Variants in MATR3 observed in about 807,000 individuals in gnomAD.
MATR3 encodes matrin-3.
A neutral mutation model predicts 85.5 loss-of-function variants in MATR3; 4 were observed. The ratio of observed to expected loss-of-function variants is 0.05; its 90% CI spans 0.02 to 0.11. The LOEUF is 0.11. Ranked by LOEUF, MATR3 falls within the 10% of genes least tolerant of loss-of-function variation. The pLI, the probability that MATR3 is intolerant of heterozygous loss-of-function variation, is 1.00. For synonymous variants in MATR3, 336 were observed against 343.1 expected, an observed-to-expected ratio of 0.98 and a Z score of 0.23; for missense variants, 685 against 1,016.1, an observed-to-expected ratio of 0.67 and a Z score of 4.43.
intron 3 of MATR3, among the ~76,000 whole-genome samples, chr5:139,282,395 C>G (rs910304996): frequency 1.3e-5 from 2 of 152,110 alleles, no homozygotes; most frequent in Non-Finnish European, 1.5e-5. Context: ...CAGAGGAGAC[C>G]CTGTTACTTG....
Position 139,319,584 on chromosome 5 carries a change from C to T in MATR3, c.1602+83C>T, listed in dbSNP as rs966262557. 5.4e-5 allele frequency: 70 copies of T among 1,286,162 alleles called. No homozygotes were observed. In the African/African-American group the frequency reaches 7.9e-4, roughly 15 times the overall value. The allele number at this position is 1,286,162 out of a possible 1,614,324, so 79.7% of individuals were successfully genotyped here. On this transcript the variant is annotated intron_variant, in intron 9 of 14. Transcript: ENST00000394805. ...CAATATGGAGCTGGGCGTCATTCCT[C>T]AACCTGTAATCCCAGCAGTTTGGGA...
At chr5:139,324,682 C>G (rs1755755851) in intron 12 of MATR3, among the ~76,000 whole-genome samples, 1 of 152,142 alleles carries the variant, frequency 6.6e-6, no homozygotes, top group African/African-American at 2.4e-5. Context: ...AAGGATATTG[C>G]TCAACTTTTA....
chr5:139,314,830 A>G (rs1040894229), intron 3 of MATR3, 94 bp downstream of exon 3: 67 of 1,105,020 alleles, frequency 6.1e-5, no homozygotes, highest in Non-Finnish European at 8.9e-5. Context: ...TGTAATATCC[A>G]CAATGTTAAT....
At chr5:139,311,506 C>A (rs1754971260) in intron 2 of MATR3, 1 of 152,014 alleles carries the variant, frequency 6.6e-6, no homozygotes, top group African/African-American at 2.4e-5. Flanking sequence ...TGATCTTGGC[C>A]TTCCTTTTTT....
chr5:139,317,316 TG>T (rs1755301936), intron 6 of MATR3, among the ~76,000 whole-genome samples: 1 of 152,246 alleles, frequency 6.6e-6, no homozygotes, highest in African/African-American at 2.4e-5. Context: ...TTCAGCATCT[TG>T]GAAGCTTTGC....
At chr5:139,321,718 C>T (rs779733486) in intron 9 of MATR3, 180 bp from the exon 10 acceptor site, 21 of 636,818 alleles carry the variant, frequency 3.3e-5, no homozygotes, top group Non-Finnish European at 4.6e-5. Context: ...AGTACATCAA[C>T]GCTTCAGCAA....
intron 1 of MATR3, chr5:139,294,604 A>G (rs958508678): frequency 8.5e-5 from 13 of 152,262 alleles, no homozygotes; most frequent in African/African-American, 3.1e-4. Context: ...AGCCGCCTGC[A>G]GTACAGTGCG....
At chr5:139,304,245 G>A (rs1754597980) in intron 1 of MATR3, among the ~76,000 whole-genome samples, 1 of 152,262 alleles carries the variant, frequency 6.6e-6, no homozygotes, top group Admixed American at 6.5e-5. Context: ...GGTGGCTCAT[G>A]CCTATATAAT....
intron 1 of MATR3, among the ~76,000 whole-genome samples, chr5:139,297,100 C>T (rs2061992864): frequency 6.6e-6 from 1 of 152,284 alleles, no homozygotes; most frequent in African/African-American, 2.4e-5. Context: ...ATCACTTGAA[C>T]CCAGGAGGCG....
intron 1 of MATR3, among the ~76,000 whole-genome samples, chr5:139,303,293 G>C (rs1754546285): frequency 6.6e-6 from 1 of 152,034 alleles, no homozygotes; most frequent in East Asian, 1.9e-4. Flanking sequence ...GTAGAGACGA[G>C]GTTTCACCAT....
intron 12 of MATR3, among the ~76,000 whole-genome samples, chr5:139,323,702 A>G (rs1008437030): frequency 8.5e-5 from 13 of 152,144 alleles, no homozygotes; most frequent in African/African-American, 2.9e-4. Context: ...CAGGAGTTCA[A>G]GACCAACATG....
intron 13 of MATR3, 131 bp from the exon 14 acceptor site, chr5:139,326,032 T>C (rs550330281): frequency 2.4e-6 from 2 of 850,150 alleles, no homozygotes; most frequent in East Asian, 5.3e-5. Context: ...TCGGTTTTTG[T>C]TTTTTATCTT....
chr5:139,302,579 ATT>A (rs1473293787), intron 1 of MATR3, among the ~76,000 whole-genome samples: 5 of 152,204 alleles, frequency 3.3e-5, no homozygotes, highest in Non-Finnish European at 7.3e-5. Flanking sequence ...CTGTTCTTGA[ATT>A]GAAAATAAGT....
chr5:139,311,750 C>CTTTTTTTTTTTTTTTTTTTTTTTTTTTT (rs552172719), intron 2 of MATR3: 2 of 65,238 alleles, frequency 3.1e-5, no homozygotes, highest in Admixed American at 2.4e-4. Context: ...TTAATTAATC[C>CTTTTTTTTTTTTTTTTTTTTTTTTTTTT]TTTTTTTTTT....
chr5:139,322,929 G>A lies in MATR3; in HGVS notation c.2110G>A (p.Gly704Arg). The A allele has an allele frequency of 6.2e-7, 1 of 1,613,876 alleles. No homozygotes were observed. The highest frequency in any genetic ancestry group is 8.5e-7 in the Non-Finnish European group (1 of 1,179,938). ...ATCAGATAAAGCTGTGAAAAAAGAT[G>A]GAAGTGCTTCAGCAGCAGCAAAGAA... Reference protein sequence around the residue: ...EPSDKAVKKDGSASAAAKKKL... With the variant: ...EPSDKAVKKDRSASAAAKKKL... Residue 704 changes from glycine (G) to arginine (R), a missense_variant, in exon 12 of 15, where the codon GGA becomes AGA. Physicochemically the swap from Gly to Arg is moderately radical, Grantham distance 125 (BLOSUM62 -2). Transcript: ENST00000394805.
At chr5:139,308,983 C>G (rs1754838653) in intron 2 of MATR3, among the ~76,000 whole-genome samples, 1 of 152,174 alleles carries the variant, frequency 6.6e-6, no homozygotes, top group Non-Finnish European at 1.5e-5. Flanking sequence ...CATGTTACAT[C>G]TGTCCCTTTA....
chr5:139,295,330 AAAC>A (rs1417599348), intron 1 of MATR3, among the ~76,000 whole-genome samples: 11 of 152,196 alleles, frequency 7.2e-5, no homozygotes, highest in African/African-American at 2.7e-4. Flanking sequence ...ACTCGAAATT[AAAC>A]AACATTAAAA....
intron 2 of MATR3, among the ~76,000 whole-genome samples, chr5:139,277,114 T>C (rs1464603219): frequency 6.6e-6 from 1 of 152,194 alleles, no homozygotes; most frequent in Non-Finnish European, 1.5e-5. Flanking sequence ...GGATGATAGG[T>C]GTGTGCCACC....
upstream of MATR3, chr5:139,293,693 A>T: frequency 3.2e-6 from 1 of 313,542 alleles, no homozygotes; most frequent in Non-Finnish European, 5.8e-6. Context: ...CTTGGGCTGC[A>T]GCCGCTGCCG....
Sources: allele counts gnomAD v4.1 joint callset (sites outside exome capture counted in the v4.1 genomes callset), GRCh38; gene constraint gnomAD v4.1.1; transcripts MANE v1.5; gene names NCBI Gene and HGNC (gene_info 2026-07-23, HGNC 2026-07-21).